The following MAB21L3 variants were observed in gnomAD, a reference collection of about 807,000 sequenced individuals.
MAB21L3 encodes mab-21 like 3.
In MAB21L3, 36 loss-of-function variants were observed where a neutral mutation model predicts 37.7. The observed-to-expected ratio is 0.96, with a 90% CI of 0.73 to 1.26. MAB21L3 has a LOEUF of 1.26. MAB21L3 is among the 50% of genes most tolerant of loss of function. The pLI, the probability that MAB21L3 is intolerant of heterozygous loss-of-function variation, is 0.00. For missense variants in MAB21L3, 430 were observed against 447.3 expected (o/e 0.96, Z 0.35); for synonymous variants, 186 against 176.8 (o/e 1.05, Z -0.41).
rs767778482 is a variant in MAB21L3, at chr1:116,127,507, G to A, written c.523G>A (p.Ala175Thr). 9 of 1,614,208 alleles carry A rather than the reference G, an allele frequency of 5.6e-6. No homozygotes were observed. In the South Asian group the frequency reaches 8.8e-5, roughly 16 times the overall value. The change falls in exon 6 of 8, where the codon GCT becomes ACT. Residue 175 changes from alanine to threonine, a missense_variant. By Grantham distance (58) the Ala-to-Thr change is moderately conservative. Transcript: ENST00000369500. ...LLGNRSAVWV[A>T]VETSAYQVEL... ...AGGAAACCGCTCTGCAGTTTGGGTTGCTGTGGAAACATCTGCATATCAGGT... is the reference window on the plus strand; with the variant it reads ...AGGAAACCGCTCTGCAGTTTGGGTTACTGTGGAAACATCTGCATATCAGGT...
chr1:116,111,802 G>A lies in MAB21L3; in HGVS notation c.-218G>A, dbSNP rs1482320301. ...TTGGAAGAGGGAAATTACGTTTAAA[G>A]GTCAGCAGGTGAGCAGAAGGATTCC... On this transcript the variant is annotated 5_prime_UTR_variant, in exon 2 of 8. Coordinates refer to ENST00000369500, the MANE Select transcript of MAB21L3 (RefSeq NM_152367.3). 2 of 152,346 alleles carry A rather than the reference G, an allele frequency of 1.3e-5. No individual in the cohort carries two copies. The highest frequency in any genetic ancestry group is 2.4e-5 in the African/African-American group (1 of 41,414). 9.4% of individuals were successfully genotyped at this position (152,346 alleles called of 1,614,324 possible). A position where few individuals can be genotyped will look rare whatever the true frequency, so the allele number is the denominator to read the frequency against.
intron 4 of MAB21L3, among the ~76,000 whole-genome samples, chr1:116,122,623 C>T (rs573886331): frequency 4.9e-4 from 74 of 152,326 alleles, no homozygotes; most frequent in African/African-American, 1.6e-3. Flanking sequence ...TGCAGTGCTG[C>T]GATCATGGCT....
intron 7 of MAB21L3, among the ~76,000 whole-genome samples, 189 bp downstream of exon 7, chr1:116,128,528 C>T (rs2101617727): frequency 6.6e-6 from 1 of 152,230 alleles, no homozygotes; most frequent in South Asian, 2.1e-4. Flanking sequence ...TGTAAACTAG[C>T]ACCATATGGG....
At chr1:116,131,283 A>G (rs1660059743) in intron 7 of MAB21L3, among the ~76,000 whole-genome samples, 3 of 152,336 alleles carry the variant, frequency 2.0e-5, no homozygotes, top group South Asian at 4.1e-4. Context: ...TCTGATGGAC[A>G]AAGAAGGGAA....
rs926635821 is a variant in MAB21L3, at chr1:116,137,535, A to G, written c.*4170A>G. Among the ~76,000 whole-genome samples the G allele has an allele frequency of 6.7e-6, 1 of 149,450 alleles. No homozygotes were observed. Among genetic ancestry groups the G allele is most frequent in the African/African-American group, 2.5e-5 (1 of 39,954 alleles). On this transcript the variant is annotated 3_prime_UTR_variant, in exon 8 of 8. Transcript: ENST00000369500. ...CTTTTACACTGTTGGTGGGACTGTA[A>G]ACTAGTTCAACCATTATGGAAGTCA...
chr1:116,133,074 C>T, intron 7 of MAB21L3, 58 bp from the exon 8 acceptor site: 1 of 1,410,212 alleles, frequency 7.1e-7, no homozygotes, highest in East Asian at 2.3e-5. Context: ...TAATTGTTTC[C>T]AAGCTATCCT....
intron 4 of MAB21L3, 66 bp from the exon 5 acceptor site, chr1:116,124,000 C>G: frequency 6.6e-7 from 1 of 1,522,234 alleles, no homozygotes; most frequent in South Asian, 1.3e-5. Context: ...AGGTTGGTTC[C>G]CAGGACTTCC....
chr1:116,128,641 C>A (rs1485221021), intron 7 of MAB21L3, among the ~76,000 whole-genome samples: 1 of 152,162 alleles, frequency 6.6e-6, no homozygotes, highest in Non-Finnish European at 1.5e-5. Flanking sequence ...ATTTTACCCA[C>A]CAAACCAACC....
At chr1:116,130,882 T>C (rs186559734) in intron 7 of MAB21L3, among the ~76,000 whole-genome samples, 1 of 152,366 alleles carries the variant, frequency 6.6e-6, no homozygotes, top group Admixed American at 6.5e-5. Context: ...ATCTAGGTTA[T>C]CTTCGCTTGC....
chr1:116,131,881 G>A (rs964220095), intron 7 of MAB21L3, among the ~76,000 whole-genome samples: 5 of 152,172 alleles, frequency 3.3e-5, no homozygotes, highest in African/African-American at 9.7e-5. Context: ...TGTGGAGGGG[G>A]ATGGTAGAAT....
intron 3 of MAB21L3, among the ~76,000 whole-genome samples, chr1:116,117,891 G>T (rs1231967266): frequency 6.6e-6 from 1 of 152,062 alleles, no homozygotes; most frequent in East Asian, 1.9e-4. Flanking sequence ...ACACCAAGAT[G>T]AATTCCTCAC....
intron 7 of MAB21L3, among the ~76,000 whole-genome samples, chr1:116,130,968 T>TA (rs1660052130): frequency 1.3e-5 from 2 of 152,310 alleles, no homozygotes; most frequent in South Asian, 4.1e-4. Flanking sequence ...ACAACTGCTC[T>TA]AAAAAATAAA....
chr1:116,120,842 T>G (rs770491969), intron 3 of MAB21L3, 90 bp from the exon 4 acceptor site: 11 of 1,520,194 alleles, frequency 7.2e-6, no homozygotes, highest in Non-Finnish European at 9.8e-6. Flanking sequence ...AGTCACCCCT[T>G]GCTGTACCCT....
intron 3 of MAB21L3, among the ~76,000 whole-genome samples, chr1:116,118,663 A>G (rs1224291052): frequency 6.6e-6 from 1 of 152,174 alleles, no homozygotes; most frequent in Non-Finnish European, 1.5e-5. Flanking sequence ...TTCTAGGGCA[A>G]TTGTGTTCTA....
At chr1:116,120,882 T>G in intron 3 of MAB21L3, 50 bp from the exon 4 acceptor site, 3 of 1,605,138 alleles carry the variant, frequency 1.9e-6, no homozygotes, top group Non-Finnish European at 2.6e-6. Context: ...GCTGGTATCT[T>G]GGGGCCCACA....
intron 2 of MAB21L3, among the ~76,000 whole-genome samples, chr1:116,112,150 C>G (rs1157599333): frequency 2.0e-5 from 3 of 151,912 alleles, no homozygotes; most frequent in Non-Finnish European, 4.4e-5. Context: ...GGATAAGGAC[C>G]AGGAGATATA....
At position 116,124,113 on chromosome 1, in the gene MAB21L3, G is replaced by A. The variant is rs1422623724; in HGVS notation, c.237G>A (p.Leu79=). The change falls in exon 5 of 8, where the codon CTG becomes CTA. Residue 79 remains leucine, a synonymous_variant. Coordinates refer to ENST00000369500, the MANE Select transcript of MAB21L3 (RefSeq NM_152367.3). ...QFLVTVPIKG[L]AGYREAREQH... is the part of the protein sequence containing the mutation. Reference sequence around the variant, plus strand: ...TCGTCACAGTCCCAATAAAAGGCCTGGCCGGGTACAGGGAGGCCAGGGAGC... The same window carrying A: ...TCGTCACAGTCCCAATAAAAGGCCTAGCCGGGTACAGGGAGGCCAGGGAGC... 6.2e-7 allele frequency: 1 copy of A among 1,613,598 alleles called. No individual in the cohort carries two copies. The highest frequency in any genetic ancestry group is 1.1e-5 in the South Asian group (1 of 91,040).
chr1:116,112,437 A>T lies in MAB21L3; in HGVS notation c.-179A>T. The T allele has an allele frequency of 2.1e-6, 1 of 475,166 alleles. No homozygotes were observed. The highest frequency in any genetic ancestry group is 3.8e-6 in the Non-Finnish European group (1 of 263,646). The allele number at this position is 475,166 out of a possible 1,614,324, so 29.4% of individuals were successfully genotyped here. On this transcript the variant is annotated 5_prime_UTR_variant, in exon 3 of 8. The change creates a premature stop within an existing upstream ORF in the 5' untranslated region. Transcript: ENST00000369500. Reference sequence around the variant, plus strand: ...AGATGGATTTTCACAATTTGGAAATAAAAACATGAGTGAAGGGTTCGGAAG... The same window carrying T: ...AGATGGATTTTCACAATTTGGAAATTAAAACATGAGTGAAGGGTTCGGAAG...
chr1:116,128,255 G>C lies in MAB21L3; in HGVS notation c.771G>C (p.Arg257Ser). ...TGGATGAAGATGGGGGCTGCCGTAG[G>C]AAGTGTTTTCAGGTCATGAGGCACC... Reference protein sequence around the residue: ...EQLDEDGGCRRKCFQVMRHLK... With the variant: ...EQLDEDGGCRSKCFQVMRHLK... Residue 257 changes from arginine (R) to serine (S), a missense_variant, in exon 7 of 8, where the codon AGG becomes AGC. Transcript: ENST00000369500. 1.9e-6 allele frequency: 3 copies of C among 1,614,172 alleles called. No homozygotes were observed. Among genetic ancestry groups the C allele is most frequent in the Non-Finnish European group, 2.5e-6 (3 of 1,180,024 alleles).
Sources: gnomAD v4.1 joint callset for allele counts (sites outside exome capture counted in the v4.1 genomes callset) on GRCh38, gnomAD v4.1.1 for gene constraint, MANE v1.5 for transcripts, NCBI Gene and HGNC (gene_info 2026-07-23, HGNC 2026-07-21) for gene names.